CD1A: variants seen among roughly 807,000 people sequenced by gnomAD.
The protein encoded by CD1A is T-cell surface glycoprotein CD1a.
Under a neutral mutation model 38.3 loss-of-function variants are expected in CD1A, and 50 were observed. That is an observed-to-expected ratio of 1.30 (90% CI 1.04 to 1.65). CD1A has a LOEUF of 1.65. Among genes scored for constraint, CD1A ranks in the 40% most tolerant of loss-of-function variants. CD1A has a pLI of 0.00. For synonymous variants in CD1A, 160 were observed against 150.8 expected, an observed-to-expected ratio of 1.06 and a Z score of -0.45; for missense variants, 459 against 406.1, an observed-to-expected ratio of 1.13 and a Z score of -1.12.
At position 158,256,917 on chromosome 1, in the gene CD1A, G is replaced by T; in HGVS notation, c.736G>T (p.Gly246Cys). The change falls in exon 4 of 6, where the codon GGC becomes TGC. Residue 246 changes from glycine (G) to cysteine (C), a missense_variant. Coordinates refer to ENST00000289429, the MANE Select transcript of CD1A (RefSeq NM_001763.3). ...GATGCGGGGTGAGCAGGAGCAGCAGGGCACTCAGCGAGGGGACATCTTGCC... is the reference window on the plus strand; with the variant it reads ...GATGCGGGGTGAGCAGGAGCAGCAGTGCACTCAGCGAGGGGACATCTTGCC... ...MWMRGEQEQQGTQRGDILPSA... is the reference protein window; with the variant it reads ...MWMRGEQEQQCTQRGDILPSA... 1 of 1,614,216 alleles carries T rather than the reference G, an allele frequency of 6.2e-7. No individual in the cohort carries two copies. The highest frequency in any genetic ancestry group is 8.5e-7 in the Non-Finnish European group (1 of 1,180,048).
At chr1:158,257,592 G>A (rs1038319223) in intron 5 of CD1A, 81 bp downstream of exon 5, 48 of 1,568,124 alleles carry the variant, frequency 3.1e-5, no homozygotes, top group Non-Finnish European at 4.2e-5. Flanking sequence ...TCTCTCCTCA[G>A]TTCTTCTCTC....
chr1:158,254,324 C>T (rs1044678588), upstream of CD1A: 37 of 1,163,142 alleles, frequency 3.2e-5, no homozygotes, highest in East Asian at 1.9e-4. Context: ...ACTTTATGCT[C>T]TTATTGTATG....
At position 158,256,787 on chromosome 1, in the gene CD1A, G is replaced by A. The variant is rs886198295; in HGVS notation, c.606G>A (p.Val202=). 3 of 1,613,558 alleles carry A rather than the reference G, an allele frequency of 1.9e-6. No individual in the cohort carries two copies. In the Admixed American group the frequency reaches 5.0e-5, roughly 27 times the overall value. The change falls in exon 4 of 6, where the codon GTG becomes GTA. Residue 202 remains valine, a splice_region_variant and synonymous_variant. Transcript: ENST00000289429. ...DAGKAHLQRQ[V]KPEAWLSHGP... ...GAATATCTTTTCTGTCCTTTGCAGT[G>A]AAGCCCGAGGCCTGGCTGTCCCATG...
In CD1A at chr1:158,254,624, C is replaced by G. The variant is rs758643268; in HGVS notation, c.-46C>G. 1 of 1,613,486 alleles carries G rather than the reference C, an allele frequency of 6.2e-7. No individual in the cohort carries two copies. Among genetic ancestry groups the G allele is most frequent in the Non-Finnish European group, 8.5e-7 (1 of 1,179,746 alleles). ...GGGTAGGTTTGTTTGGAACAGAAATCAAAGACCAATTTTTCTGAGAGAAGG... is the reference window on the plus strand; with the variant it reads ...GGGTAGGTTTGTTTGGAACAGAAATGAAAGACCAATTTTTCTGAGAGAAGG... On this transcript the variant is annotated 5_prime_UTR_variant, in exon 1 of 6. In the 5' UTR this introduces an upstream ATG that the reference lacks. Transcript: ENST00000289429.
chr1:158,254,384 C>A, upstream of CD1A: 1 of 1,263,114 alleles, frequency 7.9e-7, no homozygotes, highest in Non-Finnish European at 1.0e-6. Flanking sequence ...AATGCCACAT[C>A]AGACTTGTTC....
rs752359352 is a variant in CD1A at position 158,255,351 on chromosome 1, G to A, written c.325+1G>A. The A allele has an allele frequency of 1.7e-5, 27 of 1,612,966 alleles. No individual in the cohort carries two copies. The highest frequency in any genetic ancestry group is 2.2e-5 in the Non-Finnish European group (26 of 1,179,038). On this transcript the variant is annotated splice_donor_variant, in intron 2 of 5. Transcript: ENST00000289429. LOFTEE classifies it high-confidence loss of function. ...TACGCCCATGAATTGCAGTTTGAAT[G>A]TGAGTTCAGTTTTCTCCATGGAGAG...
Position 158,255,127 on chromosome 1 carries a change from C to G in CD1A, c.102C>G (p.Ser34=). 6.2e-7 allele frequency: 1 copy of G among 1,614,092 alleles called. No individual in the cohort carries two copies. Among genetic ancestry groups the G allele is most frequent in the Non-Finnish European group, 8.5e-7 (1 of 1,180,032 alleles). Residue 34 remains serine (S), a synonymous_variant, in exon 2 of 6, where the codon TCC becomes TCG. Coordinates refer to ENST00000289429, the MANE Select transcript of CD1A (RefSeq NM_001763.3). ...CCTTCCATGTCACCTGGATCGCATC[C>G]TTTTACAACCATTCCTGGAAACAAA... ...PLSFHVTWIA[S]FYNHSWKQNL... is the part of the protein sequence containing the mutation.
chr1:158,256,297 C>G lies in CD1A; in HGVS notation c.604+15C>G, dbSNP rs374497988. 16 of 1,601,738 alleles carry G rather than the reference C, an allele frequency of 1.0e-5. No individual in the cohort carries two copies. The highest frequency in any genetic ancestry group is 1.3e-5 in the African/African-American group (1 of 74,650). ...CCAGCGGCAAGGTCAGTCCTGCACT[C>G]TCCCTCCAAGAAGTTTTGATTTGAA... On this transcript the variant is annotated intron_variant, in intron 3 of 5. Transcript: ENST00000289429.
At chr1:158,248,355 A>C in the CD1A span, 28 of 984,630 alleles carry the variant, frequency 2.8e-5, no homozygotes, top group African/African-American at 4.9e-4. Context: ...TTCTGAGGAG[A>C]GCTTCAATGG....
In CD1A at chr1:158,255,183, A is replaced by G; in HGVS notation, c.158A>G (p.Gln53Arg). ...GTCTCAGGTTGGCTGAGTGATTTGC[A>G]GACTCATACCTGGGACAGCAATTCC... ...NLVSGWLSDL[Q>R]THTWDSNSST... The change falls in exon 2 of 6, where the codon CAG (glutamine) becomes CGG (arginine). Residue 53 changes from glutamine (Q) to arginine (R), a missense_variant. Physicochemically the swap from Gln to Arg is conservative, Grantham distance 43 (BLOSUM62 1). Coordinates refer to ENST00000289429, the MANE Select transcript of CD1A (RefSeq NM_001763.3). 2 of 1,614,144 alleles carry G rather than the reference A, an allele frequency of 1.2e-6. No homozygotes were observed. Among genetic ancestry groups the G allele is most frequent in the South Asian group, 2.2e-5 (2 of 91,088 alleles).
At chr1:158,254,785 CTGTGTGTG>C (rs55696033) in intron 1 of CD1A, 58 bp downstream of exon 1, 65,676 of 672,596 alleles carry the variant, frequency 0.098, 3,036 homozygotes, top group Admixed American at 0.19. Context: ...CTCTCTCTCT[CTGTGTGTG>C]TGTGTGTGTG....
In CD1A at chr1:158,257,476, T is replaced by C; in HGVS notation, c.939T>C (p.Leu313=). 6.2e-7 allele frequency: 1 copy of C among 1,614,156 alleles called. No individual in the cohort carries two copies. Among genetic ancestry groups the C allele is most frequent in the Non-Finnish European group, 8.5e-7 (1 of 1,180,004 alleles). ...TGGCGGTGATAGTGCCTTTACTTCT[T>C]CTGATAGGTCTTGCGCTTTGGTTCA... ...IILAVIVPLL[L]LIGLALWFRK... Residue 313 remains leucine, a synonymous_variant, in exon 5 of 6, where the codon CTT becomes CTC. Transcript: ENST00000289429.
rs1042360856 is a variant in CD1A at position 158,257,663 on chromosome 1, A to G, written c.975-18A>G. On this transcript the variant is annotated intron_variant, in intron 5 of 5. Transcript: ENST00000289429. The stretch of plus-strand genomic sequence containing the variant: ...CTCCACCTTATTCAGAGTGACTTCT[A>G]TCTCTGTTCTCATCCAGTTTCTGTT... 28 of 1,613,174 alleles carry G rather than the reference A, an allele frequency of 1.7e-5. No homozygotes were observed. Among genetic ancestry groups the G allele is most frequent in the Non-Finnish European group, 2.1e-5 (25 of 1,179,546 alleles).
rs148563016 is a variant in CD1A, at chr1:158,256,783, C to T, written c.605-3C>T. 3,274 of 1,613,446 alleles carry T rather than the reference C, an allele frequency of 2.0e-3. 57 individuals carry two copies. The African/African-American group carries it at 0.039, about 19-fold the overall frequency. On this transcript the variant is annotated splice_polypyrimidine_tract_variant and splice_region_variant and intron_variant, in intron 3 of 5. Transcript: ENST00000289429. The stretch of plus-strand genomic sequence containing the variant: ...ATTTGAATATCTTTTCTGTCCTTTG[C>T]AGTGAAGCCCGAGGCCTGGCTGTCC...
rs767578429 is a variant in CD1A, at chr1:158,255,279, CATT to C, written c.258_260del (p.Leu86del). On this transcript the variant is annotated inframe_deletion, in exon 2 of 6. Transcript: ENST00000289429. ...AATGAGGAGTGGAAGGAACTGGAAACATTATTCCGTATACGCACCATTCGGTCA... is the reference window on the plus strand; with the variant it reads ...AATGAGGAGTGGAAGGAACTGGAAACATTCCGTATACGCACCATTCGGTCA... The C allele has an allele frequency of 1.2e-6, 2 of 1,614,128 alleles. No individual in the cohort carries two copies. The highest frequency in any genetic ancestry group is 4.5e-5 in the East Asian group (2 of 44,884).
chr1:158,254,102 A>AATG (rs1428377822), upstream of CD1A: 78 of 268,014 alleles, frequency 2.9e-4, no homozygotes, highest in African/African-American at 2.3e-3. Context: ...CTCTAAGAAT[A>AATG]ATGGAGAAAA....
At chr1:158,252,511 A>G (rs1650116441), upstream of CD1A, among the ~76,000 whole-genome samples, 1 of 152,052 alleles carries the variant, frequency 6.6e-6, no homozygotes, top group Non-Finnish European at 1.5e-5. Context: ...TTTTGGGTTA[A>G]CTGGTTGCCT....
At chr1:158,250,086 C>T (rs530037617), upstream of CD1A, among the ~76,000 whole-genome samples, 2 of 152,338 alleles carry the variant, frequency 1.3e-5, no homozygotes, top group African/African-American at 4.8e-5. Flanking sequence ...TGCATGCCCC[C>T]AAATCTTATT....
chr1:158,256,287 GT>G lies in CD1A; in HGVS notation c.604+6del. The stretch of plus-strand genomic sequence containing the variant: ...AGGCACATCTCCAGCGGCAAGGTCA[GT>G]CCTGCACTCTCCCTCCAAGAAGTTT... On this transcript the variant is annotated splice_donor_region_variant and intron_variant, in intron 3 of 5. Transcript: ENST00000289429. 1 of 1,607,642 alleles carries G rather than the reference GT, an allele frequency of 6.2e-7. No homozygotes were observed. Among genetic ancestry groups the G allele is most frequent in the East Asian group, 2.2e-5 (1 of 44,770 alleles).
Sources: allele counts gnomAD v4.1 joint callset (sites outside exome capture counted in the v4.1 genomes callset), GRCh38; gene constraint gnomAD v4.1.1; transcripts MANE v1.5; gene names NCBI Gene and HGNC (gene_info 2026-07-23, HGNC 2026-07-21).